The following FAM13A variants were observed in gnomAD, a reference collection of about 807,000 sequenced individuals.
The protein encoded by FAM13A is family with sequence similarity 13 member A.
In FAM13A, 76 loss-of-function variants were observed where a neutral mutation model predicts 129.6. The observed-to-expected ratio is 0.59, with a 90% CI of 0.49 to 0.71. The LOEUF (loss-of-function observed/expected upper bound fraction) is 0.71, where lower values mean the gene tolerates loss of function less well. Ranked by LOEUF, FAM13A falls within the 30% of genes least tolerant of loss-of-function variation. The pLI is 0.00. For synonymous variants in FAM13A, 443 were observed against 449.9 expected, an observed-to-expected ratio of 0.98 and a Z score of 0.20; for missense variants, 1,108 against 1,249.3, an observed-to-expected ratio of 0.89 and a Z score of 1.70.
chr4:88,768,862 A>G (rs1409945500), intron 11 of FAM13A, among the ~76,000 whole-genome samples: 1 of 152,182 alleles, frequency 6.6e-6, no homozygotes, highest in Non-Finnish European at 1.5e-5. Flanking sequence ...CTCTGTGAAT[A>G]TGGCCAATGC....
Position 88,726,589 on chromosome 4 carries a change from T to C in FAM13A, c.*1944A>G, listed in dbSNP as rs779352056. The stretch of plus-strand genomic sequence containing the variant: ...AGCTAACTGGTAATGATCTGATTAA[T>C]ATCATAGCTTATTTAAGAGAGCTAT... On this transcript the variant is annotated 3_prime_UTR_variant, in exon 24 of 24. Transcript: ENST00000264344. The C allele has an allele frequency of 6.6e-6, 1 of 152,620 alleles. No homozygotes were observed. Among genetic ancestry groups the C allele is most frequent in the South Asian group, 2.1e-4 (1 of 4,828 alleles). The allele number at this position is 152,620 out of a possible 1,614,324, so 9.5% of individuals were successfully genotyped here. A position where few individuals can be genotyped will look rare whatever the true frequency, so the allele number is the denominator to read the frequency against.
intron 6 of FAM13A, among the ~76,000 whole-genome samples, chr4:88,872,330 A>G (rs1224184686): frequency 6.6e-6 from 1 of 152,230 alleles, no homozygotes; most frequent in African/African-American, 2.4e-5. Context: ...AAATGCCCCA[A>G]TTAAAAGACA....
At chr4:89,034,401 A>G (rs949341760) in intron 1 of FAM13A, among the ~76,000 whole-genome samples, 5 of 152,204 alleles carry the variant, frequency 3.3e-5, no homozygotes, top group African/African-American at 1.2e-4. Context: ...CAGAATGGCT[A>G]TAATTAAAAA....
chr4:89,042,283 T>C (rs541203910), intron 1 of FAM13A, among the ~76,000 whole-genome samples: 2 of 152,178 alleles, frequency 1.3e-5, no homozygotes, highest in South Asian at 4.1e-4. Flanking sequence ...AAAAAAGGAC[T>C]TGTAGCCTGA....
At chr4:88,861,453 C>T (rs1739484900) in intron 6 of FAM13A, among the ~76,000 whole-genome samples, 1 of 149,866 alleles carries the variant, frequency 6.7e-6, no homozygotes, top group African/African-American at 2.5e-5. Context: ...AGACTGGGCA[C>T]ATAATAAATG....
chr4:89,052,025 C>T (rs1040686097), intron 1 of FAM13A, among the ~76,000 whole-genome samples: 2 of 152,090 alleles, frequency 1.3e-5, no homozygotes, highest in Admixed American at 1.3e-4. Flanking sequence ...AAATGTTGGT[C>T]CCATCCTTGA....
At chr4:88,869,298 TA>T (rs1458115962) in intron 6 of FAM13A, among the ~76,000 whole-genome samples, 2 of 152,240 alleles carry the variant, frequency 1.3e-5, no homozygotes, top group African/African-American at 2.4e-5. Context: ...TGTCCCTGTT[TA>T]AAACTTGTCA....
intron 3 of FAM13A, among the ~76,000 whole-genome samples, chr4:88,997,975 A>G (rs1262906826): frequency 1.3e-5 from 2 of 152,214 alleles, no homozygotes; most frequent in Admixed American, 6.5e-5. Flanking sequence ...TATAAACTCG[A>G]CAACACGGGC....
At chr4:88,871,576 C>T (rs1002978505) in intron 6 of FAM13A, among the ~76,000 whole-genome samples, 18 of 150,780 alleles carry the variant, frequency 1.2e-4, no homozygotes, top group African/African-American at 1.9e-4. Context: ...TGAAATGAAG[C>T]GAGAAGAGAA....
intron 14 of FAM13A, 123 bp from the exon 15 acceptor site, chr4:88,750,760 A>C: frequency 7.3e-6 from 5 of 688,786 alleles, no homozygotes; most frequent in South Asian, 1.8e-5. Flanking sequence ...ATCGTTTCTC[A>C]TTTTACAGCT....
intron 4 of FAM13A, among the ~76,000 whole-genome samples, chr4:88,941,153 T>TG (rs1480784080): frequency 6.6e-6 from 1 of 152,186 alleles, no homozygotes; most frequent in Non-Finnish European, 1.5e-5. Flanking sequence ...AAAATCGAAA[T>TG]GGAGTCACCC....
intron 6 of FAM13A, among the ~76,000 whole-genome samples, chr4:88,880,600 G>C (rs1349283759): frequency 6.6e-6 from 1 of 152,144 alleles, no homozygotes; most frequent in Non-Finnish European, 1.5e-5. Flanking sequence ...ATCTGAGGAA[G>C]GGGGCATTGG....
chr4:88,767,718 A>G, intron 12 of FAM13A, 123 bp from the exon 13 acceptor site: 1 of 791,558 alleles, frequency 1.3e-6, no homozygotes, highest in Non-Finnish European at 1.9e-6. Flanking sequence ...AAATACTTAT[A>G]AAATTCAAAA....
At chr4:89,016,483 C>T (rs1766505619) in intron 3 of FAM13A, among the ~76,000 whole-genome samples, 1 of 152,120 alleles carries the variant, frequency 6.6e-6, no homozygotes, top group Admixed American at 6.5e-5. Flanking sequence ...CAGTAATCTC[C>T]TAGGCCTTCA....
chr4:89,051,424 T>C (rs546104012), intron 1 of FAM13A, among the ~76,000 whole-genome samples: 1 of 152,316 alleles, frequency 6.6e-6, no homozygotes, highest in East Asian at 1.9e-4. Flanking sequence ...CATTGGAGAA[T>C]AGGTTTCAAC....
In FAM13A at chr4:89,029,484, T is replaced by C; in HGVS notation, c.193A>G (p.Ile65Val). Residue 65 changes from isoleucine to valine, a missense_variant, in exon 2 of 24, where the codon ATA becomes GTA. Coordinates refer to ENST00000264344, the MANE Select transcript of FAM13A (RefSeq NM_014883.4). ...CCATGCTGCGTCAAATATTCCACTA[T>C]ATTCCACACTACTGCTGGAATGCCA... ...ENGIPAVVWN[I>V]VEYLTQHGLT... 1 of 1,598,054 alleles carries C rather than the reference T, an allele frequency of 6.3e-7. No homozygotes were observed. Among genetic ancestry groups the C allele is most frequent in the Non-Finnish European group, 8.5e-7 (1 of 1,175,718 alleles).
At chr4:88,747,385 T>C (rs1172046232) in intron 18 of FAM13A, among the ~76,000 whole-genome samples, 1 of 152,220 alleles carries the variant, frequency 6.6e-6, no homozygotes, top group Non-Finnish European at 1.5e-5. Flanking sequence ...CAAAACCAGC[T>C]ATTAACCTAA....
intron 6 of FAM13A, among the ~76,000 whole-genome samples, chr4:88,854,228 G>T (rs1465949254): frequency 6.6e-6 from 1 of 152,296 alleles, no homozygotes; most frequent in South Asian, 2.1e-4. Flanking sequence ...TAATCGAGGG[G>T]AAGACAGACA....
chr4:88,968,728 C>A (rs1352514060), intron 4 of FAM13A, among the ~76,000 whole-genome samples: 1 of 152,068 alleles, frequency 6.6e-6, no homozygotes, highest in East Asian at 1.9e-4. Context: ...CCATATCCAG[C>A]AAAATAGGTA....
Sources: allele counts gnomAD v4.1 joint callset (sites outside exome capture counted in the v4.1 genomes callset), GRCh38; gene constraint gnomAD v4.1.1; transcripts MANE v1.5; gene names NCBI Gene and HGNC (gene_info 2026-07-23, HGNC 2026-07-21).